Variants in TPRA1 observed in about 807,000 individuals in gnomAD.
The protein encoded by TPRA1 is transmembrane protein adipocyte associated 1.
In TPRA1, 28 loss-of-function variants were observed where a neutral mutation model predicts 40.1. The ratio of observed to expected loss-of-function variants is 0.70; its 90% CI spans 0.52 to 0.96. The LOEUF (loss-of-function observed/expected upper bound fraction) is 0.96, where lower values mean the gene tolerates loss of function less well. TPRA1 is among the 40% of genes least tolerant of loss of function. The probability of loss-of-function intolerance (pLI) is 0.00; values close to 1 mark genes in which losing one functional copy is unlikely to be tolerated. For missense variants in TPRA1, 441 were observed against 482.6 expected, an observed-to-expected ratio of 0.91 and a Z score of 0.81; for synonymous variants, 219 against 209.7, an observed-to-expected ratio of 1.04 and a Z score of -0.38.
At chr3:127,575,632 C>A in intron 8 of TPRA1, 117 bp downstream of exon 8, 1 of 1,488,680 alleles carries the variant, frequency 6.7e-7, no homozygotes, top group South Asian at 1.2e-5. Context: ...TCACCCAGGG[C>A]TCTCCAGCTC....
chr3:127,574,498 AC>A (rs1488893842), intron 10 of TPRA1, among the ~76,000 whole-genome samples: 1 of 152,034 alleles, frequency 6.6e-6, no homozygotes, highest in Non-Finnish European at 1.5e-5. Flanking sequence ...CAGTGTACTC[AC>A]CCCCAGAGAA....
intron 1 of TPRA1, chr3:127,587,249 C>T (rs937522983): frequency 2.0e-5 from 3 of 152,158 alleles, no homozygotes; most frequent in Non-Finnish European, 2.9e-5. Context: ...CTTGACCTCA[C>T]GCTCAGGTAC....
intron 1 of TPRA1, among the ~76,000 whole-genome samples, chr3:127,586,116 G>A (rs1413048514): frequency 1.3e-5 from 2 of 152,204 alleles, no homozygotes; most frequent in Non-Finnish European, 2.9e-5. Flanking sequence ...ATGCCTCATG[G>A]GGGGATCTGT....
chr3:127,583,648 AAAG>A (rs2073903667), intron 1 of TPRA1, among the ~76,000 whole-genome samples: 1 of 152,104 alleles, frequency 6.6e-6, no homozygotes, highest in African/African-American at 2.4e-5. Flanking sequence ...GGAGGGGGGC[AAAG>A]AAGCCCACCC....
chr3:127,576,045 G>C lies in TPRA1; in HGVS notation c.504C>G (p.Thr168=), dbSNP rs779670814. The C allele has an allele frequency of 2.7e-5, 43 of 1,613,472 alleles. No homozygotes were observed. Among genetic ancestry groups the C allele is most frequent in the Non-Finnish European group, 3.4e-5 (40 of 1,179,744 alleles). Residue 168 remains threonine (T), a synonymous_variant, in exon 7 of 11, where the codon ACC becomes ACG. Coordinates refer to ENST00000355552, the MANE Select transcript of TPRA1 (RefSeq NM_001136053.4). This position sits in a 1 kb window ranked among gnomAD's most constrained non-coding sequence, Gnocchi z 4.6. ...GGGCATCAGGGTACAGGATCTCCAG[G>C]GTCCCCTGCAGGGGCAAGCAGGAAG... ...LSLAYSVTQG[T]LEILYPDAHL...
intron 8 of TPRA1, 98 bp from the exon 9 acceptor site, chr3:127,575,603 G>C: frequency 7.0e-7 from 1 of 1,435,508 alleles, no homozygotes; most frequent in Non-Finnish European, 9.5e-7. Context: ...GTCCCCCGGG[G>C]CCCCTCTAGG....
chr3:127,595,099 A>G (rs568204110), upstream of TPRA1, among the ~76,000 whole-genome samples: 1 of 152,336 alleles, frequency 6.6e-6, no homozygotes, highest in East Asian at 1.9e-4. Context: ...GTCTTTTTGT[A>G]ACTGAATCTC....
chr3:127,593,878 A>C (rs1476856547), upstream of TPRA1, among the ~76,000 whole-genome samples: 1 of 152,042 alleles, frequency 6.6e-6, no homozygotes, highest in Non-Finnish European at 1.5e-5. Context: ...GACCATTTGC[A>C]CTCATAGGAA....
chr3:127,590,726 A>C lies in TPRA1; in HGVS notation c.-334T>G, dbSNP rs1043447528. ...TCCAGCCCAAATTGCGAAAACGGCC[A>C]CAGTCCCACAAGTCCCAGAGTCCCA... On this transcript the variant is annotated 5_prime_UTR_variant, in exon 1 of 11. Coordinates refer to ENST00000355552, the MANE Select transcript of TPRA1 (RefSeq NM_001136053.4). 8 of 152,346 alleles carry C rather than the reference A, an allele frequency of 5.3e-5. No individual in the cohort carries two copies. The highest frequency in any genetic ancestry group is 4.6e-4 in the Admixed American group (7 of 15,280). The allele number at this position is 152,346 out of a possible 1,614,324, so 9.4% of individuals were successfully genotyped here.
In TPRA1 at chr3:127,571,290, G is replaced by A. The variant is rs1276056831; in HGVS notation, c.*2231C>T. ...AATGCAGTCTTTATTCTAGACAGCT[G>A]TGTATCTAGCGAAAAATCAGGGATT... On this transcript the variant is annotated 3_prime_UTR_variant, in exon 11 of 11. Transcript: ENST00000355552. The A allele has an allele frequency of 1.3e-5, 2 of 152,218 alleles. No homozygotes were observed. The highest frequency in any genetic ancestry group is 6.5e-5 in the Admixed American group (1 of 15,282). 9.4% of individuals were successfully genotyped at this position (152,218 alleles called of 1,614,324 possible). A position where few individuals can be genotyped will look rare whatever the true frequency, so the allele number is the denominator to read the frequency against.
intron 1 of TPRA1, among the ~76,000 whole-genome samples, chr3:127,585,313 G>A (rs2073966358): frequency 6.6e-6 from 1 of 152,216 alleles, no homozygotes. Context: ...CCTGTCCCAA[G>A]GGCAAAAAAC....
intron 3 of TPRA1, among the ~76,000 whole-genome samples, chr3:127,577,633 T>C (rs560004943): frequency 6.6e-6 from 1 of 151,902 alleles, no homozygotes; most frequent in South Asian, 2.1e-4. Flanking sequence ...TGCAGAGACC[T>C]CTAGGGAAGC....
rs1196852426 is a variant in TPRA1, at chr3:127,590,698, T to C, written c.-306A>G. On this transcript the variant is annotated 5_prime_UTR_variant, in exon 1 of 11. Coordinates refer to ENST00000355552, the MANE Select transcript of TPRA1 (RefSeq NM_001136053.4). ...GACCGGGAAAGCAAGACCGTCTTTT[T>C]CGTCCAGCCCAAATTGCGAAAACGG... The C allele has an allele frequency of 6.6e-6, 1 of 152,314 alleles. No homozygotes were observed. The highest frequency in any genetic ancestry group is 1.5e-5 in the Non-Finnish European group (1 of 68,128). The allele number at this position is 152,314 out of a possible 1,614,324, so 9.4% of individuals were successfully genotyped here. A position where few individuals can be genotyped will look rare whatever the true frequency, so the allele number is the denominator to read the frequency against.
At chr3:127,574,990 G>A (rs2107620484) in intron 10 of TPRA1, 195 bp downstream of exon 10, 1 of 628,934 alleles carries the variant, frequency 1.6e-6, no homozygotes. Flanking sequence ...CCATGCACAT[G>A]TGGGTGGGTG....
Position 127,576,059 on chromosome 3 carries a change from G to C in TPRA1, c.499-9C>G. ...AGGATCTCCAGGGTCCCCTGCAGGG[G>C]CAAGCAGGAAGGGAGGAAGGGAGAG... On this transcript the variant is annotated splice_polypyrimidine_tract_variant and intron_variant, in intron 6 of 10. Coordinates refer to ENST00000355552, the MANE Select transcript of TPRA1 (RefSeq NM_001136053.4). The surrounding 1 kb of genome is among the most constrained non-coding windows in gnomAD (Gnocchi z 4.6). The C allele has an allele frequency of 6.2e-7, 1 of 1,606,336 alleles. No individual in the cohort carries two copies. The highest frequency in any genetic ancestry group is 8.5e-7 in the Non-Finnish European group (1 of 1,173,358).
chr3:127,593,299 A>G (rs2074208518), upstream of TPRA1, among the ~76,000 whole-genome samples: 1 of 152,190 alleles, frequency 6.6e-6, no homozygotes, highest in Non-Finnish European at 1.5e-5. Flanking sequence ...CACGGCTGAC[A>G]GTAGGAGATG....
rs1015011402 is a variant in TPRA1, at chr3:127,576,809, C to A, written c.418+12G>T. ...GCATCGCCAGGGCCCAAGAGCCCAG[C>A]GGTACACACACCAAAGGCCAGGCCC... On this transcript the variant is annotated intron_variant, in intron 5 of 10. Coordinates refer to ENST00000355552, the MANE Select transcript of TPRA1 (RefSeq NM_001136053.4). This position sits in a 1 kb window ranked among gnomAD's most constrained non-coding sequence, Gnocchi z 4.6. 7 of 1,613,848 alleles carry A rather than the reference C, an allele frequency of 4.3e-6. No homozygotes were observed. The highest frequency in any genetic ancestry group is 2.5e-6 in the Non-Finnish European group (3 of 1,179,980).
chr3:127,587,080 C>G (rs886089521), intron 1 of TPRA1: 1 of 152,220 alleles, frequency 6.6e-6, no homozygotes, highest in Non-Finnish European at 1.5e-5. Flanking sequence ...TCTGGCTAGT[C>G]AGGATGTTCC....
At chr3:127,589,018 G>A (rs1231817691) in intron 1 of TPRA1, among the ~76,000 whole-genome samples, 2 of 152,098 alleles carry the variant, frequency 1.3e-5, no homozygotes, top group Non-Finnish European at 2.9e-5. Context: ...GGAGCCCAGG[G>A]GTGATTCTCA....
Sources: allele counts gnomAD v4.1 joint callset (sites outside exome capture counted in the v4.1 genomes callset), GRCh38; gene constraint gnomAD v4.1.1; non-coding constraint Gnocchi (gnomAD v3.1); transcripts MANE v1.5; gene names NCBI Gene and HGNC (gene_info 2026-07-23, HGNC 2026-07-21).